Variants in CRISPLD2 observed in about 807,000 individuals in gnomAD.
CRISPLD2 encodes the protein cysteine rich secretory protein LCCL domain containing 2, also known as cysteine-rich secretory protein LCCL domain-containing 2.
CRISPLD2 carries 47 observed loss-of-function variants against 71.1 expected under a neutral mutation model. The ratio of observed to expected loss-of-function variants is 0.66; its 90% CI spans 0.52 to 0.84. The LOEUF (loss-of-function observed/expected upper bound fraction) is 0.84, where lower values mean the gene tolerates loss of function less well. CRISPLD2 is among the 40% of genes least tolerant of loss of function. The pLI, the probability that CRISPLD2 is intolerant of heterozygous loss-of-function variation, is 0.00. For synonymous variants in CRISPLD2, 317 were observed against 250.1 expected (o/e 1.27, Z -2.52); for missense variants, 830 against 651.1 (o/e 1.27, Z -2.99).
At chr16:84,873,555 G>T in intron 10 of CRISPLD2, 1 of 180,990 alleles carries the variant, frequency 5.5e-6, no homozygotes, top group Non-Finnish European at 1.1e-5. Context: ...TAATGCAAAT[G>T]TGTTTTTATA....
At chr16:84,866,299 T>A (rs1455873122) in intron 6 of CRISPLD2, among the ~76,000 whole-genome samples, 4 of 150,706 alleles carry the variant, frequency 2.7e-5, no homozygotes, top group African/African-American at 7.3e-5. Context: ...AATGGCACAA[T>A]CTCGGCTCAC....
chr16:84,905,063 T>G (rs1401404201), intron 14 of CRISPLD2, among the ~76,000 whole-genome samples: 20 of 152,080 alleles, frequency 1.3e-4, no homozygotes, highest in Admixed American at 1.3e-3. Flanking sequence ...GGAGGATCAC[T>G]TGGGCCCAGG....
chr16:84,848,269 C>A (rs1025893017), intron 3 of CRISPLD2, among the ~76,000 whole-genome samples: 6 of 152,208 alleles, frequency 3.9e-5, no homozygotes, highest in Non-Finnish European at 4.4e-5. Flanking sequence ...AATGCCGCTG[C>A]CCGCTGCCGT....
intron 2 of CRISPLD2, among the ~76,000 whole-genome samples, chr16:84,841,048 T>A (rs982952208): frequency 6.6e-6 from 1 of 152,134 alleles, no homozygotes; most frequent in Non-Finnish European, 1.5e-5. Context: ...CCAGGAAGTA[T>A]TTGTGGAGCA....
Position 84,889,327 on chromosome 16 carries a change from A to C in CRISPLD2, c.1403A>C (p.Tyr468Ser). The change falls in exon 14 of 15, where the codon TAC becomes TCC. Residue 468 changes from tyrosine (Y) to serine (S), a missense_variant. By Grantham distance (144) the Tyr-to-Ser change is moderately radical. Coordinates refer to ENST00000262424, the MANE Select transcript of CRISPLD2 (RefSeq NM_031476.4). ...ATGCCCGTGGATAAAAAGAAGACCT[A>C]CGTGGGCTCGCTCAGGAATGGAGTT... ...DVMPVDKKKT[Y>S]VGSLRNGVQS... The C allele has an allele frequency of 6.2e-7, 1 of 1,613,988 alleles. No individual in the cohort carries two copies. Among genetic ancestry groups the C allele is most frequent in the South Asian group, 1.1e-5 (1 of 91,074 alleles).
At chr16:84,891,529 A>G (rs2071662786) in intron 14 of CRISPLD2, among the ~76,000 whole-genome samples, 1 of 152,216 alleles carries the variant, frequency 6.6e-6, no homozygotes. Context: ...CACTGATTTA[A>G]TGGGAGGGAA....
intron 3 of CRISPLD2, among the ~76,000 whole-genome samples, chr16:84,849,031 G>A (rs779118082): frequency 2.6e-5 from 4 of 151,192 alleles, no homozygotes; most frequent in Non-Finnish European, 4.4e-5. Flanking sequence ...GCCAGGTGAA[G>A]AGATTCCTGC....
chr16:84,875,916 C>A (rs1378041711), intron 11 of CRISPLD2, among the ~76,000 whole-genome samples: 12 of 151,994 alleles, frequency 7.9e-5, no homozygotes, highest in African/African-American at 2.9e-4. Flanking sequence ...AATGATCTCC[C>A]CATTGAATAG....
intron 14 of CRISPLD2, among the ~76,000 whole-genome samples, chr16:84,896,419 T>C (rs1019461470): frequency 6.6e-6 from 1 of 152,068 alleles, no homozygotes; most frequent in Non-Finnish European, 1.5e-5. Context: ...CATACACATA[T>C]ACAGACAGTC....
chr16:84,880,606 C>G (rs1449201929), intron 13 of CRISPLD2, 22 bp downstream of exon 13: 1 of 1,604,862 alleles, frequency 6.2e-7, no homozygotes, highest in Non-Finnish European at 8.5e-7. Flanking sequence ...GCATTTTCAA[C>G]AACTATCTCG....
intron 6 of CRISPLD2, among the ~76,000 whole-genome samples, chr16:84,862,802 T>C (rs1917423042): frequency 6.7e-6 from 1 of 150,340 alleles, no homozygotes; most frequent in Non-Finnish European, 1.5e-5. Context: ...GGCTGGTGGG[T>C]TCTGGAGTGA....
chr16:84,899,267 C>G (rs527359972), intron 14 of CRISPLD2, among the ~76,000 whole-genome samples: 16 of 152,246 alleles, frequency 1.1e-4, no homozygotes, highest in African/African-American at 1.7e-4. Flanking sequence ...GATAAAAAGT[C>G]CAATACCTTT....
At chr16:84,855,574 C>G (rs1187380328) in intron 6 of CRISPLD2, among the ~76,000 whole-genome samples, 3 of 152,166 alleles carry the variant, frequency 2.0e-5, no homozygotes, top group Admixed American at 6.5e-5. Flanking sequence ...GGTGGGTCTG[C>G]CTCTCCCAGC....
At position 84,906,596 on chromosome 16, in the gene CRISPLD2, C is replaced by T. The variant is rs751698551; in HGVS notation, c.1448C>T (p.Thr483Ile). 6.2e-7 allele frequency: 1 copy of T among 1,613,072 alleles called. No individual in the cohort carries two copies. The highest frequency in any genetic ancestry group is 2.2e-5 in the East Asian group (1 of 44,880). Residue 483 changes from threonine (T) to isoleucine (I), a missense_variant, in exon 15 of 15, where the codon ACT becomes ATT. Coordinates refer to ENST00000262424, the MANE Select transcript of CRISPLD2 (RefSeq NM_031476.4). ...TTTCTTCTTTTTTTCAGCCTGGGGA[C>T]TCCTCGGGATGGAAAGGCCTTCCGG... ...RNGVQSESLG[T>I]PRDGKAFRIF...
chr16:84,898,303 A>G (rs1456352642), intron 14 of CRISPLD2, among the ~76,000 whole-genome samples: 1 of 152,088 alleles, frequency 6.6e-6, no homozygotes, highest in African/African-American at 2.4e-5. Flanking sequence ...GTGGCTTTCC[A>G]TTGTACTAAG....
intron 11 of CRISPLD2, among the ~76,000 whole-genome samples, chr16:84,876,112 A>G (rs1263865854): frequency 2.6e-5 from 4 of 152,216 alleles, no homozygotes; most frequent in African/African-American, 4.8e-5. Context: ...CACATCATCT[A>G]TAGCTCCTCT....
intron 7 of CRISPLD2, among the ~76,000 whole-genome samples, chr16:84,867,347 T>C (rs1189484044): frequency 6.6e-6 from 1 of 152,248 alleles, no homozygotes; most frequent in Non-Finnish European, 1.5e-5. Flanking sequence ...GTTGGGTTCC[T>C]CTGGGAAGCG....
chr16:84,901,206 C>T (rs1279700275), intron 14 of CRISPLD2, among the ~76,000 whole-genome samples: 4 of 151,968 alleles, frequency 2.6e-5, no homozygotes, highest in Non-Finnish European at 1.5e-5. Flanking sequence ...GCTAAAAAAG[C>T]AAAGTGCAGA....
At chr16:84,881,633 G>GT (rs11403151) in intron 13 of CRISPLD2, among the ~76,000 whole-genome samples, 92,639 of 151,954 alleles carry the variant, frequency 0.61, 29,209 homozygotes, top group East Asian at 0.86. Context: ...TCTAGCTAAT[G>GT]TTTTTTATTT....
Sources: gnomAD v4.1 joint callset for allele counts (sites outside exome capture counted in the v4.1 genomes callset) on GRCh38, gnomAD v4.1.1 for gene constraint, MANE v1.5 for transcripts, NCBI Gene and HGNC (gene_info 2026-07-23, HGNC 2026-07-21) for gene names.